The following SMOC1 variants were observed in gnomAD, a reference collection of about 807,000 sequenced individuals.
The protein encoded by SMOC1 is SPARC-related modular calcium-binding protein 1.
SMOC1 carries 22 observed loss-of-function variants against 56.3 expected under a neutral mutation model. The ratio of observed to expected loss-of-function variants is 0.39; its 90% CI spans 0.28 to 0.56. SMOC1 has a LOEUF of 0.56. Among genes scored for constraint, SMOC1 ranks in the 20% least tolerant of loss-of-function variants. SMOC1 has a pLI of 0.61. For synonymous variants in SMOC1, 193 were observed against 215.0 expected (o/e 0.90, Z 0.89); for missense variants, 509 against 565.4 (o/e 0.90, Z 1.01).
intron 5 of SMOC1, among the ~76,000 whole-genome samples, chr14:69,992,079 C>G (rs536342157): frequency 1.3e-5 from 2 of 152,074 alleles, no homozygotes; most frequent in African/African-American, 4.8e-5. Flanking sequence ...GGGGGAGATA[C>G]TGCCTCCCAG....
chr14:69,911,809 A>G (rs185165912), intron 1 of SMOC1, among the ~76,000 whole-genome samples: 1 of 152,348 alleles, frequency 6.6e-6, no homozygotes, highest in Non-Finnish European at 1.5e-5. Flanking sequence ...AAGCTGTTAG[A>G]AACATTAAAG....
chr14:69,894,825 G>A (rs1884052710), intron 1 of SMOC1, among the ~76,000 whole-genome samples: 1 of 152,168 alleles, frequency 6.6e-6, no homozygotes, highest in African/African-American at 2.4e-5. Context: ...TATAGAAAGA[G>A]TTTGGAAAAT....
intron 5 of SMOC1, among the ~76,000 whole-genome samples, chr14:69,985,743 G>C (rs913664870): frequency 6.6e-6 from 1 of 152,204 alleles, no homozygotes; most frequent in Non-Finnish European, 1.5e-5. Context: ...CTTGGGGCCA[G>C]CTCTGTTATC....
At chr14:70,021,714 T>A (rs762079) in intron 10 of SMOC1, among the ~76,000 whole-genome samples, 11 of 151,740 alleles carry the variant, frequency 7.2e-5, no homozygotes, top group African/African-American at 2.7e-4. Flanking sequence ...CTGGCTTTTT[T>A]TCCCCCCGCA....
At chr14:70,020,886 A>G (rs1192717197) in intron 10 of SMOC1, among the ~76,000 whole-genome samples, 1 of 152,154 alleles carries the variant, frequency 6.6e-6, no homozygotes, top group East Asian at 1.9e-4. Flanking sequence ...AAATAGCCCA[A>G]AGGAGGGTGG....
intron 5 of SMOC1, among the ~76,000 whole-genome samples, chr14:69,992,000 A>C (rs1347297505): frequency 6.6e-6 from 1 of 152,142 alleles, no homozygotes; most frequent in Non-Finnish European, 1.5e-5. Context: ...GGAGCTGGGG[A>C]CACCATAATT....
At chr14:69,956,302 G>A (rs1399367017) in intron 3 of SMOC1, among the ~76,000 whole-genome samples, 2 of 152,190 alleles carry the variant, frequency 1.3e-5, no homozygotes, top group Non-Finnish European at 1.5e-5. Flanking sequence ...TGAAATGGAT[G>A]TGCTTTTCCC....
At chr14:69,906,275 G>T (rs761311619) in intron 1 of SMOC1, among the ~76,000 whole-genome samples, 1 of 152,210 alleles carries the variant, frequency 6.6e-6, no homozygotes. Context: ...AATAAAAGAA[G>T]ATACAGCTTT....
intron 1 of SMOC1, among the ~76,000 whole-genome samples, chr14:69,921,098 C>T (rs576076198): frequency 3.9e-5 from 6 of 152,274 alleles, no homozygotes; most frequent in South Asian, 4.1e-4. Flanking sequence ...GCACCTGGGC[C>T]GCGAACCTTC....
chr14:69,924,103 T>G (rs1884926283), intron 1 of SMOC1, among the ~76,000 whole-genome samples: 1 of 152,252 alleles, frequency 6.6e-6, no homozygotes, highest in Non-Finnish European at 1.5e-5. Context: ...CTGGTTGCTC[T>G]TCCCTCACAA....
intron 1 of SMOC1, among the ~76,000 whole-genome samples, chr14:69,883,143 G>A (rs1315576295): frequency 6.6e-6 from 1 of 152,164 alleles, no homozygotes; most frequent in Non-Finnish European, 1.5e-5. Flanking sequence ...TGTGGTGAGA[G>A]CACTTAACAT....
At chr14:69,953,138 G>T (rs1274648226) in intron 2 of SMOC1, among the ~76,000 whole-genome samples, 3 of 139,722 alleles carry the variant, frequency 2.1e-5, no homozygotes, top group Non-Finnish European at 4.6e-5. Context: ...GAAAAATCAT[G>T]GAACTAAAAC....
intron 1 of SMOC1, among the ~76,000 whole-genome samples, chr14:69,911,245 G>A (rs1884548754): frequency 6.6e-6 from 1 of 152,168 alleles, no homozygotes; most frequent in African/African-American, 2.4e-5. Flanking sequence ...ACTGTGCCTG[G>A]GGGTAAAGGC....
At chr14:69,969,139 C>T (rs1177166567) in intron 3 of SMOC1, among the ~76,000 whole-genome samples, 1 of 152,152 alleles carries the variant, frequency 6.6e-6, no homozygotes, top group African/African-American at 2.4e-5. Flanking sequence ...TACAGCAAGG[C>T]CTTGTAATTC....
rs115538255 is a variant in SMOC1, at chr14:69,999,590, G to A, written c.664+5110G>A. On this transcript the variant is annotated intron_variant, in intron 7 of 11. Coordinates refer to ENST00000361956, the MANE Select transcript of SMOC1 (RefSeq NM_001034852.3). ...CCCTGGATATTTATTTCCATAACTG[G>A]CCTTCTGGATGTCTGCCCATCTCTC... Among the ~76,000 whole-genome samples the A allele has an allele frequency of 3.2e-3, 488 of 152,238 alleles. 3 individuals carry two copies. The highest frequency in any genetic ancestry group is 0.011 in the African/African-American group (465 of 41,540).
In SMOC1 at chr14:70,030,374, C is replaced by A; in HGVS notation, c.*116C>A. ...ACATCCCGTGTAACATAAGTGGTGC[C>A]CACCATGTTTGCACTTTTAATAACT... On this transcript the variant is annotated 3_prime_UTR_variant, in exon 12 of 12. Transcript: ENST00000361956. The A allele has an allele frequency of 7.4e-7, 1 of 1,348,116 alleles. No individual in the cohort carries two copies. The highest frequency in any genetic ancestry group is 1.0e-6 in the Non-Finnish European group (1 of 964,088). The allele number at this position is 1,348,116 out of a possible 1,614,324, so 83.5% of individuals were successfully genotyped here.
intron 5 of SMOC1, among the ~76,000 whole-genome samples, chr14:69,982,731 C>T (rs61977392): frequency 0.043 from 6,579 of 152,316 alleles, 210 homozygotes; most frequent in Middle Eastern, 0.071. Flanking sequence ...CTAGCAACCA[C>T]GGGGGTATGG....
At chr14:69,929,715 G>A (rs557341138) in intron 1 of SMOC1, among the ~76,000 whole-genome samples, 3 of 152,248 alleles carry the variant, frequency 2.0e-5, no homozygotes, top group African/African-American at 4.8e-5. Context: ...ATGATCTCCC[G>A]GGGGAAAAGT....
chr14:69,910,136 T>G (rs1435235902), intron 1 of SMOC1, among the ~76,000 whole-genome samples: 1 of 152,224 alleles, frequency 6.6e-6, no homozygotes, highest in Non-Finnish European at 1.5e-5. Context: ...ATGAACATGT[T>G]TTATGGATCA....
Sources: gnomAD v4.1 joint callset for allele counts (sites outside exome capture counted in the v4.1 genomes callset) on GRCh38, gnomAD v4.1.1 for gene constraint, MANE v1.5 for transcripts, NCBI Gene and HGNC (gene_info 2026-07-23, HGNC 2026-07-21) for gene names.